The following NOL10 variants were observed in gnomAD, a reference collection of about 807,000 sequenced individuals.
NOL10 encodes the protein H_NH0074G24.1.
Under a neutral mutation model 103.5 loss-of-function variants are expected in NOL10, and 58 were observed. The observed-to-expected ratio is 0.56, with a 90% CI of 0.45 to 0.70. The LOEUF is 0.70. NOL10 is among the 30% of genes least tolerant of loss of function. NOL10 has a pLI of 0.00. For missense variants in NOL10, 763 were observed against 807.3 expected, an observed-to-expected ratio of 0.95 and a Z score of 0.67; for synonymous variants, 287 against 282.5, an observed-to-expected ratio of 1.02 and a Z score of -0.16.
At chr2:10,605,846 C>T (rs1676226611) in intron 14 of NOL10, among the ~76,000 whole-genome samples, 2 of 152,154 alleles carry the variant, frequency 1.3e-5, no homozygotes, top group Non-Finnish European at 2.9e-5. Flanking sequence ...TAGTAACTGA[C>T]AGAAAGTAAT....
chr2:10,683,341 C>G (rs768910525), intron 2 of NOL10, among the ~76,000 whole-genome samples: 9 of 152,160 alleles, frequency 5.9e-5, no homozygotes, highest in Non-Finnish European at 1.2e-4. Context: ...TTTAAAAGAA[C>G]CAACATCTTC....
chr2:10,652,978 T>C (rs1207202535), intron 12 of NOL10, among the ~76,000 whole-genome samples: 2 of 152,158 alleles, frequency 1.3e-5, no homozygotes, highest in Non-Finnish European at 2.9e-5. Flanking sequence ...GGCGGATCAC[T>C]TGAGGTCAGG....
intron 2 of NOL10, among the ~76,000 whole-genome samples, chr2:10,684,316 C>A (rs1681998201): frequency 6.6e-6 from 1 of 151,414 alleles, no homozygotes; most frequent in Non-Finnish European, 1.5e-5. Context: ...TACAGTGGCT[C>A]ATGCCTGTAA....
intron 13 of NOL10, among the ~76,000 whole-genome samples, chr2:10,612,760 T>C (rs1258112861): frequency 6.6e-6 from 1 of 152,192 alleles, no homozygotes; most frequent in Non-Finnish European, 1.5e-5. Flanking sequence ...CATCTTGGCC[T>C]CCCAAAGTGC....
In NOL10 at chr2:10,587,098, C is replaced by CAT. The variant is rs1450691017; in HGVS notation, c.1844+1944_1844+1945insAT. On this transcript the variant is annotated intron_variant, in intron 19 of 20. Coordinates refer to ENST00000381685, the MANE Select transcript of NOL10 (RefSeq NM_024894.4). Reference sequence around the variant, plus strand: ...ATATACATATATATACATATATATACACATATATATACATATATATACATA... The same window carrying CAT: ...ATATACATATATATACATATATATACATACATATATATACATATATATACATA... Among the ~76,000 whole-genome samples the CAT allele has an allele frequency of 2.0e-3, 88 of 44,082 alleles. 10 individuals carry two copies. Among genetic ancestry groups the CAT allele is most frequent in the African/African-American group, 0.012 (82 of 6,584 alleles). The allele number at this position is 44,082 out of a possible 152,430, so 28.9% of individuals were successfully genotyped here.
At chr2:10,622,286 A>C in intron 13 of NOL10, 1 of 414,328 alleles carries the variant, frequency 2.4e-6, no homozygotes, top group Non-Finnish European at 4.9e-6. Flanking sequence ...TATTGTGATC[A>C]AAAAAACCTT....
chr2:10,594,187 C>T (rs1207341713), intron 17 of NOL10, among the ~76,000 whole-genome samples: 1 of 152,160 alleles, frequency 6.6e-6, no homozygotes, highest in Non-Finnish European at 1.5e-5. Context: ...AGGACGCTTC[C>T]TCTTCCTGGG....
intron 19 of NOL10, among the ~76,000 whole-genome samples, chr2:10,585,858 G>A (rs939393816): frequency 5.9e-5 from 9 of 152,160 alleles, no homozygotes; most frequent in African/African-American, 9.7e-5. Context: ...GTCTGTACAC[G>A]TTCAGTACAG....
chr2:10,583,017 A>C (rs1312819277), intron 19 of NOL10, among the ~76,000 whole-genome samples: 1 of 152,206 alleles, frequency 6.6e-6, no homozygotes, highest in African/African-American at 2.4e-5. Flanking sequence ...CAGTGAGGCC[A>C]TCCGCATACT....
intron 9 of NOL10, among the ~76,000 whole-genome samples, chr2:10,662,600 T>TAA (rs35335798): frequency 2.6e-5 from 4 of 152,030 alleles, no homozygotes; most frequent in Non-Finnish European, 5.9e-5. Flanking sequence ...AAGAAAATAT[T>TAA]AAAAAAACAC....
At chr2:10,573,081 TTAG>T (rs986644095) in intron 20 of NOL10, among the ~76,000 whole-genome samples, 2 of 147,550 alleles carry the variant, frequency 1.4e-5, no homozygotes, top group African/African-American at 5.4e-5. Flanking sequence ...AAAAAATTTC[TTAG>T]CGGTGGAACT....
chr2:10,656,888 A>G (rs1679872542), intron 11 of NOL10, among the ~76,000 whole-genome samples: 1 of 152,240 alleles, frequency 6.6e-6, no homozygotes, highest in Non-Finnish European at 1.5e-5. Context: ...ACTCTTTACT[A>G]TTCTCTCAAA....
At chr2:10,599,555 A>G (rs1157337921) in intron 17 of NOL10, among the ~76,000 whole-genome samples, 1 of 152,258 alleles carries the variant, frequency 6.6e-6, no homozygotes. Context: ...TCAAATATTA[A>G]TAAGTTTGAG....
At chr2:10,592,471 C>T (rs774666453) in intron 17 of NOL10, among the ~76,000 whole-genome samples, 3 of 152,146 alleles carry the variant, frequency 2.0e-5, no homozygotes, top group Admixed American at 6.5e-5. Flanking sequence ...TGTCTGGGAA[C>T]GATGCGCCAT....
At chr2:10,671,759 A>G in intron 5 of NOL10, 69 bp from the exon 6 acceptor site, 4 of 1,202,952 alleles carry the variant, frequency 3.3e-6, no homozygotes, top group Non-Finnish European at 4.6e-6. Flanking sequence ...TATCGCTAAA[A>G]AACTGGCAAA....
At chr2:10,607,100 G>T in intron 14 of NOL10, 85 bp downstream of exon 14, 1 of 860,012 alleles carries the variant, frequency 1.2e-6, no homozygotes, top group Non-Finnish European at 1.7e-6. Context: ...GGTAAACATG[G>T]CTCAGCCAAT....
intron 6 of NOL10, among the ~76,000 whole-genome samples, 194 bp downstream of exon 6, chr2:10,671,360 A>G (rs1680919388): frequency 6.6e-6 from 1 of 152,078 alleles, no homozygotes; most frequent in Non-Finnish European, 1.5e-5. Context: ...CTTATAAGTA[A>G]ACCAATATGT....
rs181006514 is a variant in NOL10 at position 10,625,438 on chromosome 2, T to C, written c.1027-18127A>G. ...AACTGCTCTAAAAAATAAAGACCAC[T>C]GAATGAGTGAATGACATAACCATGT... On this transcript the variant is annotated intron_variant, in intron 13 of 20. Coordinates refer to ENST00000381685, the MANE Select transcript of NOL10 (RefSeq NM_024894.4). 5.0e-4 allele frequency among the ~76,000 whole-genome samples: 76 copies of C among 152,302 alleles called. 1 individual carries two copies. Among genetic ancestry groups the C allele is most frequent in the South Asian group, 2.5e-3 (12 of 4,824 alleles).
chr2:10,620,220 A>G (rs188610120), intron 13 of NOL10, among the ~76,000 whole-genome samples: 541 of 152,300 alleles, frequency 3.6e-3, no homozygotes, highest in Non-Finnish European at 5.7e-3. Context: ...GTGTTTATTA[A>G]TAACTTTTCT....
Sources: allele counts gnomAD v4.1 joint callset (sites outside exome capture counted in the v4.1 genomes callset), GRCh38; gene constraint gnomAD v4.1.1; transcripts MANE v1.5; gene names NCBI Gene and HGNC (gene_info 2026-07-23, HGNC 2026-07-21).